MACROD2: variants seen among roughly 807,000 people sequenced by gnomAD.
MACROD2 encodes ADP-ribose glycohydrolase MACROD2.
A neutral mutation model predicts 70.4 loss-of-function variants in MACROD2; 36 were observed. The observed-to-expected ratio is 0.51, with a 90% CI of 0.39 to 0.68. The LOEUF (loss-of-function observed/expected upper bound fraction) is 0.68. MACROD2 is among the 30% of genes least tolerant of loss of function. The pLI, the probability that MACROD2 is intolerant of heterozygous loss-of-function variation, is 0.00. For missense variants in MACROD2, 496 were observed against 538.4 expected (o/e 0.92, Z 0.78); for synonymous variants, 172 against 178.8 (o/e 0.96, Z 0.30).
chr20:15,659,108 C>T (rs1241750149), intron 8 of MACROD2, among the ~76,000 whole-genome samples: 1 of 152,032 alleles, frequency 6.6e-6, no homozygotes, highest in South Asian at 2.1e-4. Flanking sequence ...TCATTGGATA[C>T]CAATACCATA....
chr20:14,165,100 G>A (rs1461391734), intron 3 of MACROD2, among the ~76,000 whole-genome samples: 1 of 152,152 alleles, frequency 6.6e-6, no homozygotes, highest in African/African-American at 2.4e-5. Context: ...CCCAGGGAAT[G>A]ATGCAGTCTG....
At chr20:15,618,894 A>G (rs557855015) in intron 8 of MACROD2, among the ~76,000 whole-genome samples, 1 of 152,336 alleles carries the variant, frequency 6.6e-6, no homozygotes, top group African/African-American at 2.4e-5. Flanking sequence ...TTGCCCAAGC[A>G]TTCCAGGATC....
chr20:15,456,777 G>A (rs1043688652), intron 7 of MACROD2, among the ~76,000 whole-genome samples: 14 of 152,192 alleles, frequency 9.2e-5, no homozygotes, highest in African/African-American at 3.1e-4. Flanking sequence ...TCAAAATTCT[G>A]AGGTACAGTG....
In MACROD2 at chr20:14,759,028, G is replaced by T. The variant is rs565240869; in HGVS notation, c.418+74069G>T. 3.3e-5 allele frequency among the ~76,000 whole-genome samples: 5 copies of T among 151,916 alleles called. No homozygotes were observed. The South Asian group carries it at 1.0e-3, about 31-fold the overall frequency. On this transcript the variant is annotated intron_variant, in intron 5 of 17. Transcript: ENST00000684519. ...TTTTCAAGTTCATATTCAATTCATTGTACCTTGCTTAATTATATGCTTTCT... is the reference window on the plus strand; with the variant it reads ...TTTTCAAGTTCATATTCAATTCATTTTACCTTGCTTAATTATATGCTTTCT...
chr20:14,651,356 A>G (rs1183246274), intron 4 of MACROD2, among the ~76,000 whole-genome samples: 3 of 152,180 alleles, frequency 2.0e-5, no homozygotes, highest in South Asian at 2.1e-4. Context: ...CCTCCACAGC[A>G]TTAGTTAGAA....
intron 2 of MACROD2, among the ~76,000 whole-genome samples, chr20:14,054,947 C>T (rs1204171825): frequency 6.6e-6 from 1 of 151,998 alleles, no homozygotes; most frequent in Non-Finnish European, 1.5e-5. Flanking sequence ...TTATAGACTG[C>T]CTTTCTGAAA....
At chr20:15,660,920 G>A (rs916671038) in intron 8 of MACROD2, among the ~76,000 whole-genome samples, 1 of 152,130 alleles carries the variant, frequency 6.6e-6, no homozygotes, top group African/African-American at 2.4e-5. Flanking sequence ...TTAGAAAAGA[G>A]CAACCTCTTT....
At chr20:14,730,645 A>C (rs1173787497) in intron 5 of MACROD2, among the ~76,000 whole-genome samples, 2 of 152,202 alleles carry the variant, frequency 1.3e-5, no homozygotes, top group Non-Finnish European at 2.9e-5. Context: ...CAAGAAGAGA[A>C]TCCTAAAAGG....
chr20:15,638,095 A>G (rs2049397896), intron 8 of MACROD2, among the ~76,000 whole-genome samples: 1 of 152,184 alleles, frequency 6.6e-6, no homozygotes, highest in Non-Finnish European at 1.5e-5. Flanking sequence ...CTCCCTTGGA[A>G]TGAGCCGTGC....
intron 4 of MACROD2, among the ~76,000 whole-genome samples, chr20:14,586,510 A>G (rs1022297894): frequency 1.2e-4 from 19 of 152,094 alleles, no homozygotes; most frequent in African/African-American, 4.6e-4. Context: ...CAATATCAAA[A>G]GACGAAGAGA....
intron 5 of MACROD2, among the ~76,000 whole-genome samples, chr20:14,810,553 C>T (rs2072696857): frequency 2.0e-5 from 3 of 152,210 alleles, no homozygotes; most frequent in African/African-American, 7.2e-5. Flanking sequence ...CCTCTCTCAC[C>T]ACTCCTATTC....
chr20:15,822,254 C>T (rs549124158), intron 8 of MACROD2, among the ~76,000 whole-genome samples: 52 of 152,146 alleles, frequency 3.4e-4, no homozygotes, highest in Non-Finnish European at 6.5e-4. Flanking sequence ...ACCTTTGTGG[C>T]GTACACTTAC....
intron 7 of MACROD2, among the ~76,000 whole-genome samples, chr20:15,478,614 G>A (rs1397221494): frequency 2.6e-5 from 4 of 151,700 alleles, no homozygotes; most frequent in Non-Finnish European, 5.9e-5. Flanking sequence ...GAGCCTAGAC[G>A]TTCTCTCCCA....
At chr20:14,783,972 G>A (rs1045118252) in intron 5 of MACROD2, among the ~76,000 whole-genome samples, 1 of 152,002 alleles carries the variant, frequency 6.6e-6, no homozygotes, top group Non-Finnish European at 1.5e-5. Context: ...GTAAATTCTT[G>A]AAGTCAGAGA....
At chr20:14,759,109 A>T (rs768246236) in intron 5 of MACROD2, among the ~76,000 whole-genome samples, 38 of 152,210 alleles carry the variant, frequency 2.5e-4, no homozygotes, top group Middle Eastern at 3.4e-3. Context: ...TTCATTAATT[A>T]CTGTATAGAT....
chr20:14,792,040 A>C lies in MACROD2; in HGVS notation c.418+107081A>C, dbSNP rs1207597446. 4.6e-5 allele frequency among the ~76,000 whole-genome samples: 7 copies of C among 152,052 alleles called. No individual in the cohort carries two copies. In the South Asian group the frequency reaches 1.5e-3, roughly 32 times the overall value. ...TTTATCTTACAGTTACATAATGTTT[A>C]GAATTAATGTATTTATCTCAAAACA... On this transcript the variant is annotated intron_variant, in intron 5 of 17. Coordinates refer to ENST00000684519, the MANE Select transcript of MACROD2 (RefSeq NM_001351661.2).
rs1012466578 is a variant in MACROD2, at chr20:14,672,858, A to G, written c.302-11985A>G. Among the ~76,000 whole-genome samples, 9 of 152,330 alleles carry G rather than the reference A, an allele frequency of 5.9e-5. No homozygotes were observed. The South Asian group carries it at 1.7e-3, about 28-fold the overall frequency. On this transcript the variant is annotated intron_variant, in intron 4 of 17. Coordinates refer to ENST00000684519, the MANE Select transcript of MACROD2 (RefSeq NM_001351661.2). ...TATGTTTGCTTATAAATTACATACA[A>G]GTACTACTGTCATCTATATATTAAA...
At chr20:15,983,914 C>T (rs1296109814) in intron 13 of MACROD2, among the ~76,000 whole-genome samples, 1 of 152,078 alleles carries the variant, frequency 6.6e-6, no homozygotes, top group African/African-American at 2.4e-5. Flanking sequence ...CCTTTAACAC[C>T]TATTTTTATT....
chr20:14,620,075 T>C (rs1025651184), intron 4 of MACROD2, among the ~76,000 whole-genome samples: 2 of 152,134 alleles, frequency 1.3e-5, no homozygotes, highest in Admixed American at 6.5e-5. Context: ...GACCAGAAAG[T>C]TGAGTAGTCA....
Sources: allele counts gnomAD v4.1 joint callset (sites outside exome capture counted in the v4.1 genomes callset), GRCh38; gene constraint gnomAD v4.1.1; transcripts MANE v1.5; gene names NCBI Gene and HGNC (gene_info 2026-07-23, HGNC 2026-07-21).